The following RIMS1 variants were observed in gnomAD, a reference collection of about 807,000 sequenced individuals.
RIMS1 encodes the protein regulating synaptic membrane exocytosis 1.
A neutral mutation model predicts 214.1 loss-of-function variants in RIMS1; 83 were observed. The observed-to-expected ratio is 0.39, with a 90% CI of 0.32 to 0.47. The LOEUF is 0.47. RIMS1 is among the 20% of genes least tolerant of loss of function. The pLI is 0.99. For missense variants in RIMS1, 2,050 were observed against 2,161.8 expected (o/e 0.95, Z 1.03); for synonymous variants, 793 against 786.8 (o/e 1.01, Z -0.13).
At chr6:72,084,434 A>G (rs1234579117) in intron 2 of RIMS1, among the ~76,000 whole-genome samples, 1 of 152,174 alleles carries the variant, frequency 6.6e-6, no homozygotes, top group Non-Finnish European at 1.5e-5. Flanking sequence ...TATTAAAATT[A>G]CCCTTTCTTG....
intron 29 of RIMS1, among the ~76,000 whole-genome samples, chr6:72,385,276 A>G (rs951189519): frequency 2.0e-5 from 3 of 152,194 alleles, no homozygotes; most frequent in African/African-American, 4.8e-5. Flanking sequence ...TATTGTATAT[A>G]TTTTAATGGA....
intron 26 of RIMS1, among the ~76,000 whole-genome samples, chr6:72,294,505 A>G (rs1397501335): frequency 1.3e-5 from 2 of 151,748 alleles, no homozygotes; most frequent in Non-Finnish European, 3.0e-5. Context: ...AATATTTCAA[A>G]TGGTTTAGAT....
At chr6:72,034,619 C>T (rs780887804) in intron 2 of RIMS1, among the ~76,000 whole-genome samples, 4 of 151,806 alleles carry the variant, frequency 2.6e-5, no homozygotes, top group Non-Finnish European at 5.9e-5. Flanking sequence ...TATTATCAAG[C>T]AGATAGAACA....
rs753446100 is a variant in RIMS1, at chr6:72,235,624, G to A, written c.1753G>A (p.Val585Ile). 6.2e-7 allele frequency: 1 copy of A among 1,606,236 alleles called. No individual in the cohort carries two copies. Among genetic ancestry groups the A allele is most frequent in the Non-Finnish European group, 8.5e-7 (1 of 1,174,870 alleles). Reference sequence around the variant, plus strand: ...CTCATTCATGTTTTAACAGCATCCTGTAACGTGGCAACCATCTAAAGAGGG... The same window carrying A: ...CTCATTCATGTTTTAACAGCATCCTATAACGTGGCAACCATCTAAAGAGGG... ...RETSPISSHP[V>I]TWQPSKEGDR... Residue 585 changes from valine (V) to isoleucine (I), a missense_variant, in exon 8 of 34, where the codon GTA becomes ATA. This residue lies in a region of RIMS1 where 882 missense variants were observed against 828.9 expected (regional missense o/e 1.06). Transcript: ENST00000521978.
intron 2 of RIMS1, among the ~76,000 whole-genome samples, chr6:72,004,663 GTCT>G (rs748508379): frequency 0.12 from 17,536 of 151,932 alleles, 1,107 homozygotes; most frequent in South Asian, 0.17. Context: ...CTGCATAAAT[GTCT>G]TCTTTTGAGA....
intron 29 of RIMS1, among the ~76,000 whole-genome samples, chr6:72,348,766 G>A (rs1594748853): frequency 1.3e-5 from 2 of 151,550 alleles, no homozygotes; most frequent in Non-Finnish European, 2.9e-5. Context: ...TCCAGAATTG[G>A]TGCTGATTTA....
intron 4 of RIMS1, among the ~76,000 whole-genome samples, chr6:72,118,988 A>G (rs987445291): frequency 4.6e-5 from 7 of 151,754 alleles, no homozygotes; most frequent in African/African-American, 1.7e-4. Context: ...ATCAGACAAG[A>G]GAAAGAAATA....
chr6:71,964,829 G>A (rs1452805447), intron 1 of RIMS1, among the ~76,000 whole-genome samples: 1 of 152,144 alleles, frequency 6.6e-6, no homozygotes, highest in Non-Finnish European at 1.5e-5. Context: ...GCATGTATTT[G>A]GGGTACTTTA....
intron 2 of RIMS1, among the ~76,000 whole-genome samples, chr6:71,986,247 T>C (rs934827613): frequency 1.3e-5 from 2 of 151,792 alleles, no homozygotes; most frequent in African/African-American, 4.8e-5. Context: ...CTAGGTCTTT[T>C]CTCATGGTGT....
At chr6:72,059,704 T>C (rs978466195) in intron 2 of RIMS1, among the ~76,000 whole-genome samples, 14 of 152,360 alleles carry the variant, frequency 9.2e-5, no homozygotes, top group South Asian at 2.1e-4. Context: ...AATGTACTTA[T>C]TAGTGGTGGT....
intron 32 of RIMS1, 32 bp from the exon 33 acceptor site, chr6:72,398,923 A>G (rs778524025): frequency 1.5e-6 from 2 of 1,348,528 alleles, no homozygotes; most frequent in Non-Finnish European, 1.0e-6. Flanking sequence ...TTTAAGGAAT[A>G]ATTTCTTATA....
At chr6:71,925,935 T>G (rs780054512) in intron 1 of RIMS1, among the ~76,000 whole-genome samples, 42 of 152,200 alleles carry the variant, frequency 2.8e-4, no homozygotes, top group Non-Finnish European at 4.7e-4. Context: ...AAAGTTAACA[T>G]ATCATGAATA....
chr6:72,067,300 C>T (rs1829554025), intron 2 of RIMS1, among the ~76,000 whole-genome samples: 1 of 152,166 alleles, frequency 6.6e-6, no homozygotes. Context: ...CTCCTGAATA[C>T]GTTGCTCATG....
chr6:72,008,334 G>A (rs1477022087), intron 2 of RIMS1, among the ~76,000 whole-genome samples: 2 of 152,142 alleles, frequency 1.3e-5, no homozygotes, highest in Non-Finnish European at 2.9e-5. Flanking sequence ...CACTAAACAC[G>A]GAAAGAAACA....
At chr6:72,162,342 A>T (rs1195876528) in intron 4 of RIMS1, among the ~76,000 whole-genome samples, 3 of 139,886 alleles carry the variant, frequency 2.1e-5, no homozygotes, top group Admixed American at 1.5e-4. Flanking sequence ...TCTTTATCCA[A>T]GTTGCCAGTC....
chr6:72,332,717 C>T (rs1185164097), intron 28 of RIMS1, among the ~76,000 whole-genome samples: 2 of 151,518 alleles, frequency 1.3e-5, no homozygotes, highest in East Asian at 3.9e-4. Context: ...CATCCATGCT[C>T]CCTGCTTGCT....
At chr6:72,286,270 G>C (rs2092281973) in intron 24 of RIMS1, among the ~76,000 whole-genome samples, 1 of 152,034 alleles carries the variant, frequency 6.6e-6, no homozygotes, top group Non-Finnish European at 1.5e-5. Flanking sequence ...CAGTGAACAA[G>C]TTTTTTTGGC....
chr6:72,009,807 C>T (rs1809617828), intron 2 of RIMS1, among the ~76,000 whole-genome samples: 2 of 152,192 alleles, frequency 1.3e-5, no homozygotes, highest in Non-Finnish European at 2.9e-5. Flanking sequence ...AGACCAATAA[C>T]AGGCTCTGAA....
At chr6:71,976,508 G>T (rs2348945) in intron 2 of RIMS1, among the ~76,000 whole-genome samples, 109,248 of 152,086 alleles carry the variant, frequency 0.72, 39,629 homozygotes, top group East Asian at 0.98. Flanking sequence ...CTTTGTCACA[G>T]AAATGATTTG....
Sources: gnomAD v4.1 joint callset for allele counts (sites outside exome capture counted in the v4.1 genomes callset) on GRCh38, gnomAD v4.1.1 for gene constraint, gnomAD v4.1.1 regional missense constraint, MANE v1.5 for transcripts, NCBI Gene and HGNC (gene_info 2026-07-23, HGNC 2026-07-21) for gene names.